Variants in TANC1 observed in about 807,000 individuals in gnomAD.
TANC1 encodes protein TANC1.
A neutral mutation model predicts 149.7 loss-of-function variants in TANC1; 77 were observed. That is an observed-to-expected ratio of 0.51 (90% CI 0.43 to 0.62). The LOEUF is 0.62. Among genes scored for constraint, TANC1 ranks in the 20% least tolerant of loss-of-function variants. The pLI, the probability that TANC1 is intolerant of heterozygous loss-of-function variation, is 0.00. For missense variants in TANC1, 1,985 were observed against 2,321.8 expected (o/e 0.85, Z 2.98); for synonymous variants, 854 against 925.0 (o/e 0.92, Z 1.39).
intron 1 of TANC1, among the ~76,000 whole-genome samples, chr2:158,994,336 C>T (rs1047063790): frequency 2.0e-5 from 3 of 152,148 alleles, no homozygotes; most frequent in African/African-American, 7.2e-5. Flanking sequence ...TGCAGTGGTG[C>T]ATAGCTCACT....
rs2088581336 is a variant in TANC1, at chr2:159,001,431, A to G, written c.-16+242A>G. On this transcript the variant is annotated intron_variant, in intron 2 of 26. Coordinates refer to ENST00000263635, the MANE Select transcript of TANC1 (RefSeq NM_033394.3). The surrounding 1 kb of genome is among the most constrained non-coding windows in gnomAD (Gnocchi z 4.3). ...CAGTTGGGGAAGACAAAAAACTTGTATAGGTGGATGGTGCTGATGGTTGCA... is the reference window on the plus strand; with the variant it reads ...CAGTTGGGGAAGACAAAAAACTTGTGTAGGTGGATGGTGCTGATGGTTGCA... Among the ~76,000 whole-genome samples the G allele has an allele frequency of 6.6e-6, 1 of 152,202 alleles. No homozygotes were observed. The highest frequency in any genetic ancestry group is 2.4e-5 in the African/African-American group (1 of 41,460).
intron 3 of TANC1, among the ~76,000 whole-genome samples, chr2:159,083,409 A>G (rs1240132638): frequency 1.3e-5 from 2 of 152,144 alleles, no homozygotes; most frequent in African/African-American, 4.8e-5. Flanking sequence ...ATTATCTAGT[A>G]AACTCTGTTT....
intron 3 of TANC1, among the ~76,000 whole-genome samples, chr2:159,090,881 C>T (rs2045457905): frequency 1.3e-5 from 2 of 152,166 alleles, no homozygotes; most frequent in African/African-American, 4.8e-5. Context: ...ATCCACTTCG[C>T]TTGTATGGTG....
In TANC1 at chr2:159,001,981, G is replaced by A. The variant is rs1230319464; in HGVS notation, c.-16+792G>A. ...AGCTAGACCAAAGGAATGAGAAGTC[G>A]GATGGACAGGACCATCCTCCAGTGT... On this transcript the variant is annotated intron_variant, in intron 2 of 26. Transcript: ENST00000263635. The surrounding 1 kb of genome is among the most constrained non-coding windows in gnomAD (Gnocchi z 4.3). Among the ~76,000 whole-genome samples, 1 of 152,140 alleles carries A rather than the reference G, an allele frequency of 6.6e-6. No individual in the cohort carries two copies. The highest frequency in any genetic ancestry group is 1.5e-5 in the Non-Finnish European group (1 of 68,022).
chr2:159,084,709 AGAATGTTCCTGACAATTATCAC>A (rs1354047569), intron 3 of TANC1, among the ~76,000 whole-genome samples: 1 of 152,248 alleles, frequency 6.6e-6, no homozygotes, highest in African/African-American at 2.4e-5. Context: ...CCAACATGAC[AGAATGTTCCTGACAATTATCAC>A]TCAGGGAAAC....
chr2:159,081,435 G>A (rs2044261025), intron 3 of TANC1, among the ~76,000 whole-genome samples: 1 of 151,952 alleles, frequency 6.6e-6, no homozygotes, highest in Non-Finnish European at 1.5e-5. Flanking sequence ...CTGGCTGTGG[G>A]TGTCTGTGGA....
chr2:159,230,817 G>A lies in TANC1; in HGVS notation c.5391G>A (p.Gly1797=), dbSNP rs780759967. ...VSTLSASVHN[G]AQVKELEESK... is the part of the protein sequence containing the mutation. ...CCCTGAGTGCAAGTGTCCACAATGG[G>A]GCACAAGTGAAGGAGCTAGAAGAAA... Residue 1797 remains glycine, a synonymous_variant, in exon 27 of 27, where the codon GGG becomes GGA. Coordinates refer to ENST00000263635, the MANE Select transcript of TANC1 (RefSeq NM_033394.3). This position sits in a 1 kb window ranked among gnomAD's most constrained non-coding sequence, Gnocchi z 4.4. The A allele has an allele frequency of 2.5e-6, 4 of 1,614,196 alleles. No individual in the cohort carries two copies. The South Asian group carries it at 4.4e-5, about 18-fold the overall frequency.
intron 1 of TANC1, among the ~76,000 whole-genome samples, chr2:158,990,706 T>C (rs894381559): frequency 6.6e-6 from 1 of 152,132 alleles, no homozygotes; most frequent in Admixed American, 6.5e-5. Flanking sequence ...GAAGTAGGAA[T>C]TCCTAGGAAA....
At chr2:159,083,896 G>A (rs1246633946) in intron 3 of TANC1, among the ~76,000 whole-genome samples, 2 of 151,378 alleles carry the variant, frequency 1.3e-5, no homozygotes, top group Non-Finnish European at 2.9e-5. Context: ...TTTTGGTGCT[G>A]ATGGTGGAAT....
intron 19 of TANC1, among the ~76,000 whole-genome samples, chr2:159,203,773 C>T (rs547325059): frequency 2.0e-5 from 3 of 151,920 alleles, no homozygotes; most frequent in South Asian, 2.1e-4. Flanking sequence ...CATGGGGATT[C>T]GCCATGTTGC....
At chr2:159,133,613 A>G (rs1314596631) in intron 4 of TANC1, among the ~76,000 whole-genome samples, 1 of 151,592 alleles carries the variant, frequency 6.6e-6, no homozygotes. Context: ...CCAAACCCCC[A>G]CAAGTCTTTT....
rs74350529 is a variant in TANC1, at chr2:159,001,336, C to T, written c.-16+147C>T. Reference sequence around the variant, plus strand: ...CTGCCCAGAGCCACTGGTGAGCCAGCGCCTCCAGGGGAGAGAAGCCCTGTC... The same window carrying T: ...CTGCCCAGAGCCACTGGTGAGCCAGTGCCTCCAGGGGAGAGAAGCCCTGTC... On this transcript the variant is annotated intron_variant, in intron 2 of 26. Transcript: ENST00000263635. The surrounding 1 kb of genome is among the most constrained non-coding windows in gnomAD (Gnocchi z 4.3). The T allele has an allele frequency of 0.053, 8,078 of 152,298 alleles. 674 individuals are homozygous for T. The highest frequency in any genetic ancestry group is 0.18 in the African/African-American group (7,485 of 41,484). The allele number at this position is 152,298 out of a possible 1,614,324, so 9.4% of individuals were successfully genotyped here.
chr2:159,083,458 T>C (rs1441899363), intron 3 of TANC1, among the ~76,000 whole-genome samples: 1 of 152,120 alleles, frequency 6.6e-6, no homozygotes, highest in Non-Finnish European at 1.5e-5. Flanking sequence ...AATACAAATA[T>C]ACAAGCAGAT....
chr2:159,126,061 G>C (rs1371699515), intron 4 of TANC1, among the ~76,000 whole-genome samples: 1 of 152,022 alleles, frequency 6.6e-6, no homozygotes, highest in Non-Finnish European at 1.5e-5. Flanking sequence ...TGCTTTCGAG[G>C]GTCTGTGTGA....
At chr2:159,090,940 T>A (rs999945962) in intron 3 of TANC1, among the ~76,000 whole-genome samples, 11 of 152,098 alleles carry the variant, frequency 7.2e-5, no homozygotes, top group Non-Finnish European at 1.5e-4. Context: ...TGGGCCTGGG[T>A]ACCTCCCAAA....
intron 1 of TANC1, among the ~76,000 whole-genome samples, chr2:158,989,360 C>G (rs2035366471): frequency 6.6e-6 from 1 of 151,998 alleles, no homozygotes; most frequent in Admixed American, 6.6e-5. Context: ...AGTCCCAGCA[C>G]TGTGGGAGGC....
At chr2:159,169,135 G>T in intron 8 of TANC1, 115 bp from the exon 9 acceptor site, 1 of 706,674 alleles carries the variant, frequency 1.4e-6, no homozygotes. Flanking sequence ...TGAAGTTTAA[G>T]TAAATTTTGT....
At position 159,024,750 on chromosome 2, in the gene TANC1, C is replaced by CA. The variant is rs199510154; in HGVS notation, c.-16+23576dup. Among the ~76,000 whole-genome samples the CA allele has an allele frequency of 5.4e-3, 643 of 118,870 alleles. 2 individuals carry two copies. The highest frequency in any genetic ancestry group is 0.04 in the East Asian group (173 of 4,308). The allele number at this position is 118,870 out of a possible 152,430, so 78.0% of individuals were successfully genotyped here. ...TGGGTGACAGAACAAGACTTCATCTCAAAAAAAAAAAAAAATCTTTTAGAT... is the reference window on the plus strand; with the variant it reads ...TGGGTGACAGAACAAGACTTCATCTCAAAAAAAAAAAAAAAATCTTTTAGAT... On this transcript the variant is annotated intron_variant, in intron 2 of 26. Transcript: ENST00000263635.
rs541485855 is a variant in TANC1 at position 159,116,155 on chromosome 2, G to A, written c.259+18321G>A. On this transcript the variant is annotated intron_variant, in intron 4 of 26. Coordinates refer to ENST00000263635, the MANE Select transcript of TANC1 (RefSeq NM_033394.3). ...AAAGTACCTGTTAGTGGCTGGGCGC[G>A]GTGGCTCACACTTGTAATCCCAGCA... is the stretch of plus-strand genomic sequence containing the variant. 3.3e-5 allele frequency among the ~76,000 whole-genome samples: 5 copies of A among 152,142 alleles called. No homozygotes were observed. In the East Asian group the frequency reaches 5.8e-4, roughly 18 times the overall value.
Sources: gnomAD v4.1 joint callset for allele counts (sites outside exome capture counted in the v4.1 genomes callset) on GRCh38, gnomAD v4.1.1 for gene constraint, Gnocchi (gnomAD v3.1) non-coding constraint, MANE v1.5 for transcripts, NCBI Gene and HGNC (gene_info 2026-07-23, HGNC 2026-07-21) for gene names.